KHDRBS2: variants seen among roughly 807,000 people sequenced by gnomAD.
KHDRBS2 encodes the protein KH RNA binding domain containing, signal transduction associated 2.
A neutral mutation model predicts 44.3 loss-of-function variants in KHDRBS2; 26 were observed. The ratio of observed to expected loss-of-function variants is 0.59; its 90% confidence interval spans 0.43 to 0.81. The LOEUF (loss-of-function observed/expected upper bound fraction) is 0.81, where lower values mean the gene tolerates loss of function less well. KHDRBS2 is among the 40% of genes least tolerant of loss of function. The probability of loss-of-function intolerance (pLI) is 0.00; values close to 1 mark genes in which losing one functional copy is unlikely to be tolerated. For missense variants in KHDRBS2, 476 were observed against 433.1 expected (o/e 1.10, Z -0.88); for synonymous variants, 194 against 151.1 (o/e 1.28, Z -2.08).
intron 2 of KHDRBS2, among the ~76,000 whole-genome samples, chr6:62,058,962 G>C (rs544643587): frequency 1.3e-5 from 2 of 151,666 alleles, no homozygotes; most frequent in South Asian, 4.2e-4. Context: ...AATCAGTTCA[G>C]TCACTCACAA....
At chr6:61,961,492 C>T (rs1295676658) in intron 4 of KHDRBS2, among the ~76,000 whole-genome samples, 2 of 151,738 alleles carry the variant, frequency 1.3e-5, no homozygotes, top group Admixed American at 1.3e-4. Flanking sequence ...AGAGACAGTA[C>T]TACAGGGCAA....
chr6:61,628,664 T>C, the KHDRBS2 span, among the ~76,000 whole-genome samples: 1 of 152,188 alleles, frequency 6.6e-6, no homozygotes, highest in Non-Finnish European at 1.5e-5. Context: ...CTGCTGTGTG[T>C]CTTTTTACAG....
At chr6:61,822,999 T>C (rs1790204880) in intron 6 of KHDRBS2, among the ~76,000 whole-genome samples, 3 of 152,072 alleles carry the variant, frequency 2.0e-5, no homozygotes, top group African/African-American at 7.2e-5. Context: ...GGGTAGTTTT[T>C]TTTTACTATT....
At position 62,161,575 on chromosome 6, in the gene KHDRBS2, G is replaced by C. The variant is rs1181269029; in HGVS notation, c.219+15610C>G. Among the ~76,000 whole-genome samples, 49 of 35,658 alleles carry C rather than the reference G, an allele frequency of 1.4e-3. No homozygotes were observed. In the East Asian group the frequency reaches 0.014, roughly 10 times the overall value. 23.4% of individuals were successfully genotyped at this position (35,658 alleles called of 152,430 possible). A position where few individuals can be genotyped will look rare whatever the true frequency, so the allele number is the denominator to read the frequency against. The stretch of plus-strand genomic sequence containing the variant: ...GCATCCGAGAATTTTGGTATTTGCG[G>C]GGGGGGGGGGGGTCCCAGAACAAAT... On this transcript the variant is annotated intron_variant, in intron 2 of 8. Coordinates refer to ENST00000281156, the MANE Select transcript of KHDRBS2 (RefSeq NM_152688.4).
chr6:62,066,092 C>T (rs565669339), intron 2 of KHDRBS2, among the ~76,000 whole-genome samples: 3 of 151,794 alleles, frequency 2.0e-5, no homozygotes, highest in East Asian at 2.0e-4. Context: ...GGGGTACATT[C>T]TTCAAGCTCA....
At chr6:62,207,240 T>C (rs1315218656) in intron 1 of KHDRBS2, among the ~76,000 whole-genome samples, 2 of 152,096 alleles carry the variant, frequency 1.3e-5, no homozygotes, top group African/African-American at 4.8e-5. Flanking sequence ...TAAAGCATTA[T>C]ATAAAAATTA....
intron 1 of KHDRBS2, among the ~76,000 whole-genome samples, chr6:62,221,931 C>G (rs574036): frequency 0.19 from 28,273 of 151,882 alleles, 3,048 homozygotes; most frequent in African/African-American, 0.31. Flanking sequence ...AAAAAACATA[C>G]CAATAATCCA....
chr6:61,711,111 T>C (rs1213052885), intron 7 of KHDRBS2, among the ~76,000 whole-genome samples: 2 of 151,594 alleles, frequency 1.3e-5, no homozygotes, highest in African/African-American at 2.4e-5. Flanking sequence ...ATTTGTTGAA[T>C]AAATGAATGA....
At chr6:61,592,008 G>C in the KHDRBS2 span, among the ~76,000 whole-genome samples, 1 of 152,052 alleles carries the variant, frequency 6.6e-6, no homozygotes, top group South Asian at 2.1e-4. Context: ...GGGTAACATA[G>C]AGAGACCCTC....
At chr6:61,745,581 GAA>G (rs1776746422) in intron 6 of KHDRBS2, among the ~76,000 whole-genome samples, 1 of 152,094 alleles carries the variant, frequency 6.6e-6, no homozygotes, top group African/African-American at 2.4e-5. Context: ...ACACTCACCA[GAA>G]AGAGACAGAT....
At chr6:61,860,491 A>G (rs1434477597) in intron 6 of KHDRBS2, among the ~76,000 whole-genome samples, 1 of 151,912 alleles carries the variant, frequency 6.6e-6, no homozygotes, top group Non-Finnish European at 1.5e-5. Context: ...CTGTTCCTGC[A>G]TTAGTTTGCC....
chr6:61,947,962 A>G (rs1763943622), intron 4 of KHDRBS2, among the ~76,000 whole-genome samples: 1 of 150,684 alleles, frequency 6.6e-6, no homozygotes. Flanking sequence ...TAACAGAGGA[A>G]TGACAAATCA....
At chr6:61,827,452 A>G (rs1434580200) in intron 6 of KHDRBS2, among the ~76,000 whole-genome samples, 3 of 152,204 alleles carry the variant, frequency 2.0e-5, no homozygotes, top group Admixed American at 1.3e-4. Context: ...ACAATTTTCT[A>G]TATTGAAAAT....
intron 2 of KHDRBS2, among the ~76,000 whole-genome samples, chr6:62,084,896 A>T (rs1273291711): frequency 2.0e-5 from 3 of 152,130 alleles, no homozygotes; most frequent in Non-Finnish European, 2.9e-5. Context: ...CTTTCAAGAA[A>T]GATAAGTGAT....
At chr6:62,158,881 T>C (rs184302948) in intron 2 of KHDRBS2, among the ~76,000 whole-genome samples, 1 of 152,238 alleles carries the variant, frequency 6.6e-6, no homozygotes, top group East Asian at 1.9e-4. Context: ...CAAGCTTCTA[T>C]GCAAACTAAT....
At chr6:61,651,897 C>T in the KHDRBS2 span, among the ~76,000 whole-genome samples, 1 of 152,108 alleles carries the variant, frequency 6.6e-6, no homozygotes, top group Non-Finnish European at 1.5e-5. Context: ...TTTTGCTATA[C>T]TACTTGGAAG....
At chr6:61,816,719 T>C in intron 6 of KHDRBS2, 1 of 396,242 alleles carries the variant, frequency 2.5e-6, no homozygotes, top group Non-Finnish European at 5.1e-6. Flanking sequence ...AAAGAATAAA[T>C]CTACTAAAAT....
intron 1 of KHDRBS2, among the ~76,000 whole-genome samples, chr6:62,278,537 A>AAATATT (rs1841334176): frequency 1.3e-5 from 2 of 152,334 alleles, no homozygotes; most frequent in Non-Finnish European, 2.9e-5. Context: ...CTAGTCAATG[A>AAATATT]AATATTAATA....
chr6:61,684,796 C>A (rs1766648114), intron 8 of KHDRBS2, among the ~76,000 whole-genome samples: 1 of 151,594 alleles, frequency 6.6e-6, no homozygotes, highest in Non-Finnish European at 1.5e-5. Context: ...CTGAAAATAG[C>A]AAATCAGGAT....
Sources: allele counts gnomAD v4.1 joint callset (sites outside exome capture counted in the v4.1 genomes callset), GRCh38; gene constraint gnomAD v4.1.1; transcripts MANE v1.5; gene names NCBI Gene and HGNC (gene_info 2026-07-23, HGNC 2026-07-21).